The following TAFA4 variants were observed in gnomAD, a reference collection of about 807,000 sequenced individuals.
TAFA4 encodes chemokine-like protein TAFA-4.
TAFA4 carries 20 observed loss-of-function variants against 21.1 expected under a neutral mutation model. That is an observed-to-expected ratio of 0.95 (90% CI 0.67 to 1.38). The LOEUF is 1.38. TAFA4 is among the 40% of genes most tolerant of loss of function. The probability of loss-of-function intolerance (pLI) is 0.00; values close to 1 mark genes in which losing one functional copy is unlikely to be tolerated. For synonymous variants in TAFA4, 71 were observed against 67.4 expected (o/e 1.05, Z -0.26); for missense variants, 211 against 180.9 (o/e 1.17, Z -0.95).
intron 3 of TAFA4, among the ~76,000 whole-genome samples, chr3:68,826,667 AG>A (rs1290319222): frequency 6.6e-6 from 1 of 151,848 alleles, no homozygotes; most frequent in Non-Finnish European, 1.5e-5. Context: ...TCTGAATTTG[AG>A]GGTAGAATAG....
intron 2 of TAFA4, among the ~76,000 whole-genome samples, chr3:68,881,176 C>T (rs1167486009): frequency 6.6e-6 from 1 of 152,166 alleles, no homozygotes; most frequent in Non-Finnish European, 1.5e-5. Flanking sequence ...AAGCAACACA[C>T]TTAGAGCCAG....
intron 3 of TAFA4, among the ~76,000 whole-genome samples, chr3:68,794,360 A>G (rs1703417953): frequency 6.6e-6 from 1 of 152,194 alleles, no homozygotes; most frequent in South Asian, 2.1e-4. Flanking sequence ...CAGGGTAAAT[A>G]AAGATCATTG....
intron 3 of TAFA4, among the ~76,000 whole-genome samples, chr3:68,833,841 ATACTATGCTCT>A (rs1704458189): frequency 6.6e-6 from 1 of 152,192 alleles, no homozygotes; most frequent in Non-Finnish European, 1.5e-5. Context: ...TGTCAAAGGC[ATACTATGCTCT>A]TACCACTCCA....
chr3:68,851,741 G>T (rs1704955962), intron 3 of TAFA4, among the ~76,000 whole-genome samples: 1 of 152,164 alleles, frequency 6.6e-6, no homozygotes, highest in Non-Finnish European at 1.5e-5. Context: ...CTCATTGAAA[G>T]GTTATAGTAG....
intron 2 of TAFA4, among the ~76,000 whole-genome samples, chr3:68,882,027 A>T (rs530838943): frequency 6.6e-6 from 1 of 152,350 alleles, no homozygotes; most frequent in Admixed American, 6.5e-5. Context: ...ATCTTGTTAA[A>T]GGGTGTATTG....
At chr3:68,816,942 A>C (rs1292650848) in intron 3 of TAFA4, among the ~76,000 whole-genome samples, 1 of 152,126 alleles carries the variant, frequency 6.6e-6, no homozygotes, top group African/African-American at 2.4e-5. Flanking sequence ...TCTTGCCTTG[A>C]TATTGGTGGC....
chr3:68,922,168 G>A (rs1441066804), intron 1 of TAFA4, among the ~76,000 whole-genome samples: 1 of 152,170 alleles, frequency 6.6e-6, no homozygotes, highest in African/African-American at 2.4e-5. Context: ...TCTGAAAAAT[G>A]TATTGTGTAA....
At chr3:68,859,078 T>C (rs1575644966) in intron 3 of TAFA4, among the ~76,000 whole-genome samples, 1 of 152,030 alleles carries the variant, frequency 6.6e-6, no homozygotes, top group East Asian at 1.9e-4. Flanking sequence ...ATTTCAGTGT[T>C]GTGCCAATTT....
intron 3 of TAFA4, among the ~76,000 whole-genome samples, chr3:68,823,713 T>C (rs1704163977): frequency 1.3e-5 from 2 of 152,236 alleles, no homozygotes; most frequent in South Asian, 4.1e-4. Flanking sequence ...TTTGGTTTTC[T>C]GTTCCTGTGT....
intron 3 of TAFA4, among the ~76,000 whole-genome samples, chr3:68,846,153 A>G (rs9872443): frequency 0.013 from 2,017 of 152,188 alleles, 43 homozygotes; most frequent in African/African-American, 0.046. Context: ...AGGTACACCA[A>G]TCAAACGTAG....
intron 5 of TAFA4, among the ~76,000 whole-genome samples, chr3:68,733,915 C>T (rs1315788131): frequency 6.6e-6 from 1 of 152,132 alleles, no homozygotes; most frequent in Non-Finnish European, 1.5e-5. Flanking sequence ...AGTATTACTC[C>T]CCTTTTGTTT....
intron 3 of TAFA4, among the ~76,000 whole-genome samples, chr3:68,819,702 A>G (rs1283263349): frequency 5.3e-5 from 8 of 152,220 alleles, no homozygotes; most frequent in Admixed American, 5.2e-4. Flanking sequence ...ACCATCATTA[A>G]TCATCACAGA....
chr3:68,742,222 A>ATAAAGGTCATAT (rs1277869867), intron 4 of TAFA4, among the ~76,000 whole-genome samples: 1 of 111,802 alleles, frequency 8.9e-6, no homozygotes, highest in African/African-American at 3.2e-5. Flanking sequence ...CTTCAACATT[A>ATAAAGGTCATAT]TAAAGGTCAT....
At chr3:68,791,899 A>G (rs1286356581) in intron 3 of TAFA4, among the ~76,000 whole-genome samples, 6 of 152,226 alleles carry the variant, frequency 3.9e-5, no homozygotes, top group African/African-American at 1.4e-4. Flanking sequence ...AACACAGCAC[A>G]GTGGGCCAAA....
chr3:68,834,341 T>A (rs1163564469), intron 3 of TAFA4, among the ~76,000 whole-genome samples: 2 of 152,156 alleles, frequency 1.3e-5, no homozygotes, highest in Admixed American at 1.3e-4. Context: ...CTCCTCCTAT[T>A]ATCAATTATA....
chr3:68,742,744 A>G (rs984015685), intron 4 of TAFA4, among the ~76,000 whole-genome samples: 94 of 152,326 alleles, frequency 6.2e-4, no homozygotes, highest in African/African-American at 2.2e-3. Flanking sequence ...TAAAAACATT[A>G]TCTTGTACTT....
intron 3 of TAFA4, among the ~76,000 whole-genome samples, chr3:68,866,663 A>C (rs1575648723): frequency 1.4e-5 from 2 of 147,980 alleles, no homozygotes; most frequent in South Asian, 2.1e-4. Flanking sequence ...AAAAAAAAAA[A>C]AAAAAAAAAA....
At chr3:68,817,926 C>T (rs1219400102) in intron 3 of TAFA4, among the ~76,000 whole-genome samples, 4 of 152,150 alleles carry the variant, frequency 2.6e-5, no homozygotes, top group Admixed American at 6.5e-5. Flanking sequence ...CTGGGTTCAA[C>T]TTAAAGTCAC....
At chr3:68,852,342 G>T (rs1310280306) in intron 3 of TAFA4, among the ~76,000 whole-genome samples, 1 of 152,138 alleles carries the variant, frequency 6.6e-6, no homozygotes, top group Admixed American at 6.5e-5. Flanking sequence ...TGCATTCCCA[G>T]AACATACTCG....
Sources: allele counts gnomAD v4.1 joint callset (sites outside exome capture counted in the v4.1 genomes callset), GRCh38; gene constraint gnomAD v4.1.1; transcripts MANE v1.5; gene names NCBI Gene and HGNC (gene_info 2026-07-23, HGNC 2026-07-21).